FAIM2: variants seen among roughly 807,000 people sequenced by gnomAD.
The protein encoded by FAIM2 is protein lifeguard 2.
In FAIM2, 27 loss-of-function variants were observed where a neutral mutation model predicts 47.4. That is an observed-to-expected ratio of 0.57 (90% CI 0.42 to 0.78). The LOEUF (loss-of-function observed/expected upper bound fraction) is 0.78. FAIM2 is among the 30% of genes least tolerant of loss of function. The pLI is 0.00. For missense variants in FAIM2, 311 were observed against 389.4 expected, an observed-to-expected ratio of 0.80 and a Z score of 1.69; for synonymous variants, 156 against 159.3, an observed-to-expected ratio of 0.98 and a Z score of 0.16.
intron 10 of FAIM2, among the ~76,000 whole-genome samples, chr12:49,888,262 A>T (rs1354256599): frequency 6.6e-6 from 1 of 152,180 alleles, no homozygotes; most frequent in Non-Finnish European, 1.5e-5. Context: ...GAGCCAAGGA[A>T]ATGCCAGCAC....
At chr12:49,880,394 G>A (rs933687967) in intron 11 of FAIM2, among the ~76,000 whole-genome samples, 93 of 151,898 alleles carry the variant, frequency 6.1e-4, no homozygotes, top group Non-Finnish European at 9.9e-4. Context: ...ATGTGTGCAT[G>A]TGAGTGTATG....
At chr12:49,873,075 C>G (rs706797) in intron 11 of FAIM2, among the ~76,000 whole-genome samples, 112,045 of 151,994 alleles carry the variant, frequency 0.74, 41,648 homozygotes, top group African/African-American at 0.8. Context: ...GGCCTTAACA[C>G]AGCGAAAATG....
chr12:49,871,440 C>A (rs1218840985), intron 11 of FAIM2, among the ~76,000 whole-genome samples: 1 of 152,052 alleles, frequency 6.6e-6, no homozygotes, highest in Non-Finnish European at 1.5e-5. Flanking sequence ...CTGTGTCACC[C>A]CCCTGCCCCT....
At position 49,869,699 on chromosome 12, in the gene FAIM2, G is replaced by C. The variant is rs1946688300; in HGVS notation, c.*805C>G. On this transcript the variant is annotated 3_prime_UTR_variant, in exon 12 of 12. Coordinates refer to ENST00000320634, the MANE Select transcript of FAIM2 (RefSeq NM_012306.4). ...GTGAGAGGATGTGGGTCTCGGTCCTGCAACCCCAAATGCCTCCCAGGTGGA... is the reference window on the plus strand; with the variant it reads ...GTGAGAGGATGTGGGTCTCGGTCCTCCAACCCCAAATGCCTCCCAGGTGGA... The C allele has an allele frequency of 6.6e-6, 1 of 152,120 alleles. No individual in the cohort carries two copies. The allele number at this position is 152,120 out of a possible 1,614,324, so 9.4% of individuals were successfully genotyped here.
At chr12:49,900,756 G>A (rs936979582) in intron 2 of FAIM2, among the ~76,000 whole-genome samples, 1 of 152,156 alleles carries the variant, frequency 6.6e-6, no homozygotes, top group South Asian at 2.1e-4. Context: ...CCCAGTGAAG[G>A]CTGTGGCCAG....
chr12:49,889,025 G>A (rs1469306211), intron 10 of FAIM2, 82 bp downstream of exon 10: 31 of 1,019,014 alleles, frequency 3.0e-5, no homozygotes, highest in Non-Finnish European at 4.5e-5. Context: ...GCCTTCCCTG[G>A]CGGATAGGGG....
At chr12:49,886,771 C>T (rs1946864589) in intron 11 of FAIM2, among the ~76,000 whole-genome samples, 1 of 152,152 alleles carries the variant, frequency 6.6e-6, no homozygotes, top group Non-Finnish European at 1.5e-5. Flanking sequence ...CCACCGTGAC[C>T]GGCCTCCCCA....
rs374536580 is a variant in FAIM2 at position 49,878,674 on chromosome 12, ATG to A, written c.802-8023_802-8022del. 8.4e-3 allele frequency among the ~76,000 whole-genome samples: 1,041 copies of A among 124,430 alleles called. 105 individuals carry two copies. The highest frequency in any genetic ancestry group is 0.032 in the African/African-American group (983 of 30,954). 81.6% of individuals were successfully genotyped at this position (124,430 alleles called of 152,430 possible). The stretch of plus-strand genomic sequence containing the variant: ...TGTGCGCTTGTATGTGCATGTGTGT[ATG>A]TGTGTATATGTGAGTGTATGTGCAT... On this transcript the variant is annotated intron_variant, in intron 11 of 11. Coordinates refer to ENST00000320634, the MANE Select transcript of FAIM2 (RefSeq NM_012306.4).
Position 49,866,951 on chromosome 12 carries a change from G to A in FAIM2, c.*3553C>T, listed in dbSNP as rs1474181201. On this transcript the variant is annotated 3_prime_UTR_variant, in exon 12 of 12. Transcript: ENST00000320634. ...TCCAGTCAGTCACAGACCCCAGGAA[G>A]GTGAGGTCAGGGAAGGGAACAGGTG... 1 of 152,310 alleles carries A rather than the reference G, an allele frequency of 6.6e-6. No individual in the cohort carries two copies. Among genetic ancestry groups the A allele is most frequent in the African/African-American group, 2.4e-5 (1 of 41,432 alleles). 9.4% of individuals were successfully genotyped at this position (152,310 alleles called of 1,614,324 possible). A position where few individuals can be genotyped will look rare whatever the true frequency, so the allele number is the denominator to read the frequency against.
intron 11 of FAIM2, among the ~76,000 whole-genome samples, chr12:49,872,864 T>A (rs1254996698): frequency 6.6e-6 from 1 of 152,202 alleles, no homozygotes; most frequent in East Asian, 1.9e-4. Flanking sequence ...GAGAATGAGA[T>A]AATGCATGCA....
At chr12:49,890,288 T>C in intron 7 of FAIM2, 134 bp from the exon 8 acceptor site, 1 of 774,988 alleles carries the variant, frequency 1.3e-6, no homozygotes, top group Non-Finnish European at 2.2e-6. Flanking sequence ...CCACACACAC[T>C]GACTTTCGGG....
chr12:49,879,899 T>C (rs919376147), intron 11 of FAIM2, among the ~76,000 whole-genome samples: 6 of 151,454 alleles, frequency 4.0e-5, no homozygotes, highest in African/African-American at 1.5e-4. Flanking sequence ...CATGTGTATG[T>C]GCATGTGTAT....
At chr12:49,901,080 G>GGGCCCCCCCC in intron 2 of FAIM2, 50 bp downstream of exon 2, 1 of 1,439,698 alleles carries the variant, frequency 6.9e-7, no homozygotes, top group East Asian at 2.7e-5. Flanking sequence ...TTCCCTCTGG[G>GGGCCCCCCCC]TCCACCCCCA....
intron 11 of FAIM2, among the ~76,000 whole-genome samples, chr12:49,880,906 C>CTG (rs1228819976): frequency 1.2e-4 from 16 of 138,276 alleles, no homozygotes; most frequent in African/African-American, 4.5e-4. Context: ...GTGTGTCTCT[C>CTG]TGGATGTGCT....
chr12:49,887,300 C>G, intron 11 of FAIM2, 86 bp downstream of exon 11: 1 of 1,229,146 alleles, frequency 8.1e-7, no homozygotes, highest in Non-Finnish European at 1.2e-6. Context: ...GGGAAGAGGG[C>G]TGTGAGGAAG....
intron 5 of FAIM2, among the ~76,000 whole-genome samples, chr12:49,895,058 A>G (rs112118146): frequency 0.027 from 3,267 of 120,206 alleles, 110 homozygotes; most frequent in African/African-American, 0.079. Context: ...AGGGGTGTGG[A>G]GCGGGCAGGG....
chr12:49,897,647 T>C, intron 3 of FAIM2, 64 bp from the exon 4 acceptor site: 1 of 1,246,122 alleles, frequency 8.0e-7, no homozygotes, highest in Non-Finnish European at 1.2e-6. Flanking sequence ...AGCCCCGCAG[T>C]GACTCAGTCA....
intron 2 of FAIM2, among the ~76,000 whole-genome samples, chr12:49,899,063 C>A (rs1308078873): frequency 1.3e-5 from 2 of 152,070 alleles, no homozygotes; most frequent in African/African-American, 4.8e-5. Flanking sequence ...AGGGGTGGAT[C>A]CCTCCCCTAG....
chr12:49,887,663 C>T (rs1946871309), intron 10 of FAIM2, among the ~76,000 whole-genome samples: 1 of 151,906 alleles, frequency 6.6e-6, no homozygotes, highest in Non-Finnish European at 1.5e-5. Context: ...GGGAGAACTC[C>T]CCCGAGCCTG....
Sources: allele counts gnomAD v4.1 joint callset (sites outside exome capture counted in the v4.1 genomes callset), GRCh38; gene constraint gnomAD v4.1.1; transcripts MANE v1.5; gene names NCBI Gene and HGNC (gene_info 2026-07-23, HGNC 2026-07-21).